The following HDGF variants were observed in gnomAD, a reference collection of about 807,000 sequenced individuals.
The protein encoded by HDGF is heparin binding growth factor.
A neutral mutation model predicts 30.0 loss-of-function variants in HDGF; 5 were observed. The observed-to-expected ratio is 0.17, with a 90% CI of 0.09 to 0.35. The LOEUF is 0.35. Ranked by LOEUF, HDGF falls within the 10% of genes least tolerant of loss-of-function variation. The pLI is 1.00. For missense variants in HDGF, 214 were observed against 302.8 expected, an observed-to-expected ratio of 0.71 and a Z score of 2.18; for synonymous variants, 133 against 112.7, an observed-to-expected ratio of 1.18 and a Z score of -1.14.
At chr1:156,754,902 C>T (rs1486700203), upstream of HDGF, among the ~76,000 whole-genome samples, 7 of 152,118 alleles carry the variant, frequency 4.6e-5, no homozygotes, top group African/African-American at 1.2e-4. Context: ...GAGCTGAGAT[C>T]GCACCATTGC....
chr1:156,766,946 A>G (rs928776591), upstream of HDGF: 2 of 151,646 alleles, frequency 1.3e-5, no homozygotes, highest in African/African-American at 4.9e-5. Flanking sequence ...ATTTATTTCA[A>G]CTCTTAGATG....
At chr1:156,751,957 G>A (rs1651014505), upstream of HDGF, 2 of 1,338,740 alleles carry the variant, frequency 1.5e-6, no homozygotes, top group African/African-American at 1.5e-5. The surrounding 1 kb of genome is among the most constrained non-coding windows in gnomAD (Gnocchi z 4.7). Flanking sequence ...CGGTCGGTGG[G>A]TGCCCGCCCG....
At chr1:156,754,394 C>T (rs764308238), upstream of HDGF, among the ~76,000 whole-genome samples, 5 of 152,212 alleles carry the variant, frequency 3.3e-5, no homozygotes, top group African/African-American at 4.8e-5. Context: ...CATGCAGATG[C>T]TGGTTGCAAT....
intron 1 of HDGF, among the ~76,000 whole-genome samples, chr1:156,761,953 T>C (rs866587885): frequency 3.0e-5 from 2 of 66,988 alleles, no homozygotes; most frequent in African/African-American, 5.7e-5. Flanking sequence ...AAAAAAAAAA[T>C]TAATTAATTA....
chr1:156,743,544 C>A, intron 5 of HDGF, 89 bp from the exon 6 acceptor site: 1 of 1,572,838 alleles, frequency 6.4e-7, no homozygotes. Flanking sequence ...TAGGAGAGCC[C>A]ACCCTGCCTC....
In HDGF at chr1:156,743,400, C is replaced by G. The variant is rs2102695920; in HGVS notation, c.*49G>C. 6.6e-7 allele frequency: 1 copy of G among 1,510,234 alleles called. No homozygotes were observed. The highest frequency in any genetic ancestry group is 2.4e-5 in the East Asian group (1 of 41,762). The allele number at this position is 1,510,234 out of a possible 1,614,324, so 93.6% of individuals were successfully genotyped here. On this transcript the variant is annotated 3_prime_UTR_variant, in exon 6 of 6. Transcript: ENST00000357325. ...CCATGGCCAGTTTCCCCAGTAGCAC[C>G]CAGACAGCAGCAGGAACAGGGTGGG...
chr1:156,758,318 G>A (rs1402950443), intron 2 of HDGF, among the ~76,000 whole-genome samples: 6 of 148,138 alleles, frequency 4.1e-5, no homozygotes, highest in Non-Finnish European at 8.9e-5. Flanking sequence ...TAGGCCAGGC[G>A]CGGTGGCTCA....
At chr1:156,752,330 G>A, upstream of HDGF, 1 of 1,551,776 alleles carries the variant, frequency 6.4e-7, no homozygotes. Flanking sequence ...TGGCCAAGGA[G>A]TTGAGGCACA....
rs759951478 is a variant in HDGF, at chr1:156,743,748, C to G, written c.620G>C (p.Gly207Ala). The G allele has an allele frequency of 1.9e-6, 3 of 1,600,324 alleles. No homozygotes were observed. In the East Asian group the frequency reaches 6.7e-5, roughly 36 times the overall value. Reference sequence around the variant, plus strand: ...TTCTTCCTCTTGGGGAGGCCCCCGGCCAGAGCCGGGCTCAGAGGGGGTGCT... The same window carrying G: ...TTCTTCCTCTTGGGGAGGCCCCCGGGCAGAGCCGGGCTCAGAGGGGGTGCT... The part of the protein sequence containing the change: ...KNSTPSEPGS[G>A]RGPPQEEEEE... The change falls in exon 5 of 6, where the codon GGC becomes GCC. Residue 207 changes from glycine to alanine, a missense_variant. Physicochemically the swap from Gly to Ala is moderately conservative, Grantham distance 60. This residue lies in a region of HDGF where 176 missense variants were observed against 211.7 expected (regional missense o/e 0.83). Transcript: ENST00000357325.
rs969746466 is a variant in HDGF at position 156,762,578 on chromosome 1, CTT to C, written n.137-3361_137-3360del. 8.6e-5 allele frequency among the ~76,000 whole-genome samples: 13 copies of C among 151,256 alleles called. 1 individual carries two copies. The highest frequency in any genetic ancestry group is 3.2e-4 in the African/African-American group (13 of 41,258). ...TGGTTGGGGCTTGTCATACTAAAAA[CTT>C]TACATCATGGCCAGGCGCGGTGGCT... is the stretch of plus-strand genomic sequence containing the variant. On this transcript the variant is annotated intron_variant and non_coding_transcript_variant, in intron 1 of 7. Transcript: ENST00000465180.
upstream of HDGF, among the ~76,000 whole-genome samples, chr1:156,753,592 C>A (rs1299758592): frequency 1.3e-5 from 2 of 152,202 alleles, no homozygotes. Flanking sequence ...CGCTCTGTTG[C>A]CCAGGCTGGA....
chr1:156,763,688 C>T (rs536808343), intron 1 of HDGF, among the ~76,000 whole-genome samples: 116 of 149,498 alleles, frequency 7.8e-4, no homozygotes, highest in Non-Finnish European at 1.3e-3. Context: ...CGCATTCAAG[C>T]AATTCTCCTG....
intron 1 of HDGF, among the ~76,000 whole-genome samples, chr1:156,761,586 G>C (rs1323066697): frequency 1.4e-5 from 2 of 144,554 alleles, no homozygotes; most frequent in African/African-American, 5.2e-5. Context: ...TCCAGCCTTG[G>C]CGACAGAGTG....
At position 156,745,314 on chromosome 1, in the gene HDGF, A is replaced by G. The variant is rs372299113; in HGVS notation, c.147T>C (p.Phe49=). 5.6e-6 allele frequency: 9 copies of G among 1,613,850 alleles called. No homozygotes were observed. The highest frequency in any genetic ancestry group is 7.6e-6 in the Non-Finnish European group (9 of 1,180,004). The stretch of plus-strand genomic sequence containing the variant: ...CCACTCACGTCTCGTGGGTCCCGAA[A>G]AAAAAGACTTGGTATTTGTTGGCTG... ...KSTANKYQVF[F]FGTHETAFLG... The change falls in exon 2 of 6, where the codon TTT becomes TTC. Residue 49 remains phenylalanine (F), a synonymous_variant. Transcript: ENST00000357325.
chr1:156,744,997 C>T lies in HDGF; in HGVS notation c.303+11G>A, dbSNP rs745563112. The T allele has an allele frequency of 5.0e-6, 8 of 1,613,702 alleles. No homozygotes were observed. Among genetic ancestry groups the T allele is most frequent in the African/African-American group, 1.3e-5 (1 of 74,994 alleles). On this transcript the variant is annotated intron_variant, in intron 3 of 5. Coordinates refer to ENST00000357325, the MANE Select transcript of HDGF (RefSeq NM_004494.3). ...CTTTCCAGGGGGTCTCTGGGGCAGG[C>T]GGTGGCTCACCTGATAGCCGGAAGC... is the stretch of plus-strand genomic sequence containing the variant.
chr1:156,744,134 G>A lies in HDGF; in HGVS notation c.489+29C>T, dbSNP rs1297262521. 1.9e-6 allele frequency: 3 copies of A among 1,600,060 alleles called. No individual in the cohort carries two copies. The African/African-American group carries it at 4.0e-5, about 21-fold the overall frequency. On this transcript the variant is annotated intron_variant, in intron 4 of 5. Transcript: ENST00000357325. The stretch of plus-strand genomic sequence containing the variant: ...ATACCCCATGGGGAATGTTGAGGGG[G>A]GCCCAGGCCCTGGGCAGGCAGCAGT...
Position 156,743,373 on chromosome 1 carries a change from G to A in HDGF, c.*76C>T. 1 of 1,447,396 alleles carries A rather than the reference G, an allele frequency of 6.9e-7. No homozygotes were observed. Among genetic ancestry groups the A allele is most frequent in the Non-Finnish European group, 9.3e-7 (1 of 1,077,254 alleles). The allele number at this position is 1,447,396 out of a possible 1,614,324, so 89.7% of individuals were successfully genotyped here. Reference sequence around the variant, plus strand: ...GTGGGAAAGGGGTTCCCAGTTTGCAGGCCATGGCCAGTTTCCCCAGTAGCA... The same window carrying A: ...GTGGGAAAGGGGTTCCCAGTTTGCAAGCCATGGCCAGTTTCCCCAGTAGCA... On this transcript the variant is annotated 3_prime_UTR_variant, in exon 6 of 6. Transcript: ENST00000357325.
Position 156,745,068 on chromosome 1 carries a change from C to G in HDGF, c.243G>C (p.Gly81=). ...EKFGKPNKRK[G]FSEGLWEIEN... ...CGATCTCCCACAGCCCCTCGCTGAA[C>G]CCTTTCCTCTTGTTGGGCTTGCCAA... The change falls in exon 3 of 6, where the codon GGG becomes GGC. Residue 81 remains glycine (G), a synonymous_variant. Transcript: ENST00000357325. The G allele has an allele frequency of 6.2e-7, 1 of 1,614,058 alleles. No homozygotes were observed. Among genetic ancestry groups the G allele is most frequent in the East Asian group, 2.2e-5 (1 of 44,824 alleles).
rs200564111 is a variant in HDGF at position 156,744,306 on chromosome 1, G to A, written c.346C>T (p.Pro116Ser). The change falls in exon 4 of 6, where the codon CCC becomes TCC. Residue 116 changes from proline (P) to serine (S), a missense_variant. This residue lies in a region of HDGF where 176 missense variants were observed against 211.7 expected (regional missense o/e 0.83). Coordinates refer to ENST00000357325, the MANE Select transcript of HDGF (RefSeq NM_004494.3). Reference sequence around the variant, plus strand: ...TCACCGTCACCCTCTGCAGCTTCGGGCTCTGGTTCAGGCTCTTCCACACAG... The same window carrying A: ...TCACCGTCACCCTCTGCAGCTTCGGACTCTGGTTCAGGCTCTTCCACACAG... ...KSCVEEPEPE[P>S]EAAEGDGDKK... The A allele has an allele frequency of 1.6e-5, 26 of 1,614,092 alleles. No individual in the cohort carries two copies. The highest frequency in any genetic ancestry group is 1.2e-4 in the Admixed American group (7 of 60,024).
Sources: allele counts gnomAD v4.1 joint callset (sites outside exome capture counted in the v4.1 genomes callset), GRCh38; gene constraint gnomAD v4.1.1; regional missense constraint gnomAD v4.1.1; non-coding constraint Gnocchi (gnomAD v3.1); transcripts MANE v1.5; gene names NCBI Gene and HGNC (gene_info 2026-07-23, HGNC 2026-07-21).